Variants in C4orf54 observed in about 807,000 individuals in gnomAD.
C4orf54 encodes the protein chromosome 4 open reading frame 54.
A neutral mutation model predicts 80.1 loss-of-function variants in C4orf54; 67 were observed. The ratio of observed to expected loss-of-function variants is 0.84; its 90% CI spans 0.69 to 1.03. The LOEUF (loss-of-function observed/expected upper bound fraction) is 1.03. Ranked by LOEUF, C4orf54 falls within the 50% of genes least tolerant of loss-of-function variation. The probability of loss-of-function intolerance (pLI) is 0.00; values close to 1 mark genes in which losing one functional copy is unlikely to be tolerated. For missense variants in C4orf54, 2,434 were observed against 2,253.5 expected, an observed-to-expected ratio of 1.08 and a Z score of -1.62; for synonymous variants, 1,000 against 917.0, an observed-to-expected ratio of 1.09 and a Z score of -1.64.
chr4:99,657,495 C>A lies in C4orf54; in HGVS notation c.-32G>T, dbSNP rs937191163. 6.6e-6 allele frequency among the ~76,000 whole-genome samples: 1 copy of A among 152,200 alleles called. No homozygotes were observed. Among genetic ancestry groups the A allele is most frequent in the African/African-American group, 2.4e-5 (1 of 41,458 alleles). On this transcript the variant is annotated splice_region_variant and 5_prime_UTR_variant, in exon 1 of 3. It adds an upstream start codon to the 5' untranslated region. Coordinates refer to ENST00000511828, the MANE Select transcript of C4orf54 (RefSeq NM_001354435.2). ...GCATCATTCTGACAGTAGTACTTAC[C>A]TCCAAAGTATCTGTGTGGCTCCTTT...
rs554625247 is a variant in C4orf54 at position 99,653,914 on chromosome 4, G to T, written c.735C>A (p.Asn245Lys). Residue 245 changes from asparagine to lysine, a missense_variant, in exon 2 of 3, where the codon AAC (asparagine) becomes AAA (lysine). By Grantham distance (94) the Asn-to-Lys change is moderately conservative. Coordinates refer to ENST00000511828, the MANE Select transcript of C4orf54 (RefSeq NM_001354435.2). Reference sequence around the variant, plus strand: ...TAGAGAGTTGGGAGGAGGCAGGATTGTTCTGGGGGCTTGGAGTCTTGCTGC... The same window carrying T: ...TAGAGAGTTGGGAGGAGGCAGGATTTTTCTGGGGGCTTGGAGTCTTGCTGC... ...EPSSKTPSPQ[N>K]NPASSQLSRS... 134 of 1,536,294 alleles carry T rather than the reference G, an allele frequency of 8.7e-5. No homozygotes were observed. Among genetic ancestry groups the T allele is most frequent in the Non-Finnish European group, 1.1e-4 (126 of 1,146,906 alleles).
Position 99,637,748 on chromosome 4 carries a change from A to C in C4orf54, c.*3485T>G, listed in dbSNP as rs1030433806. The C allele has an allele frequency of 6.6e-6, 1 of 152,184 alleles. No homozygotes were observed. Among genetic ancestry groups the C allele is most frequent in the Non-Finnish European group, 1.5e-5 (1 of 68,024 alleles). The allele number at this position is 152,184 out of a possible 1,614,324, so 9.4% of individuals were successfully genotyped here. On this transcript the variant is annotated 3_prime_UTR_variant, in exon 3 of 3. Coordinates refer to ENST00000511828, the MANE Select transcript of C4orf54 (RefSeq NM_001354435.2). ...TTTTTCTTTCAAGTATTTGGGTGAA[A>C]TAGCATACCCTGAGAATTTGGGGTG...
At chr4:99,648,807 T>C (rs1446436921) in intron 2 of C4orf54, among the ~76,000 whole-genome samples, 3 of 151,986 alleles carry the variant, frequency 2.0e-5, no homozygotes, top group Non-Finnish European at 4.4e-5. Flanking sequence ...ATTGAAGGGG[T>C]TTCCAATGAC....
Position 99,652,140 on chromosome 4 carries a change from T to C in C4orf54, c.2509A>G (p.Thr837Ala), listed in dbSNP as rs1210420425. 1.2e-5 allele frequency: 19 copies of C among 1,535,964 alleles called. No homozygotes were observed. The highest frequency in any genetic ancestry group is 1.6e-5 in the Non-Finnish European group (18 of 1,146,874). ...FKMERGEVMD[T>A]SHHLSGTSKE... is the part of the protein sequence containing the mutation. ...GAGGTGCCTGAGAGGTGGTGGGATGTATCCATGACTTCTCCCCTCTCCATT... is the reference window on the plus strand; with the variant it reads ...GAGGTGCCTGAGAGGTGGTGGGATGCATCCATGACTTCTCCCCTCTCCATT... The change falls in exon 2 of 3, where the codon ACA becomes GCA. Residue 837 changes from threonine (T) to alanine (A), a missense_variant. Thr to Ala is a moderately conservative substitution (Grantham distance 58). Transcript: ENST00000511828.
chr4:99,652,069 C>G lies in C4orf54; in HGVS notation c.2580G>C (p.Arg860Ser), dbSNP rs1726849502. Residue 860 changes from arginine (R) to serine (S), a missense_variant, in exon 2 of 3, where the codon AGG becomes AGC. Coordinates refer to ENST00000511828, the MANE Select transcript of C4orf54 (RefSeq NM_001354435.2). Reference sequence around the variant, plus strand: ...GACGAGAGCTCTGCCTCTGCAGGCCCCTCTCTCGCTGCCTCTCGCTCCCGC... The same window carrying G: ...GACGAGAGCTCTGCCTCTGCAGGCCGCTCTCTCGCTGCCTCTCGCTCCCGC... ...GARGSERQRE[R>S]GLQRQSSRHS... The G allele has an allele frequency of 3.9e-6, 6 of 1,536,000 alleles. No individual in the cohort carries two copies. Among genetic ancestry groups the G allele is most frequent in the Admixed American group, 2.0e-5 (1 of 50,988 alleles).
Position 99,652,802 on chromosome 4 carries a change from A to C in C4orf54, c.1847T>G (p.Leu616Arg). The C allele has an allele frequency of 6.5e-7, 1 of 1,536,106 alleles. No individual in the cohort carries two copies. Among genetic ancestry groups the C allele is most frequent in the Non-Finnish European group, 8.7e-7 (1 of 1,146,910 alleles). The stretch of plus-strand genomic sequence containing the variant: ...ACGCACCTCTTTGTCCGCATCGTCC[A>C]GTTCGCTCACGGCACTGGAGGCTCC... ...SSGASSAVSE[L>R]DDADKEVRNL... The change falls in exon 2 of 3, where the codon CTG (leucine) becomes CGG (arginine). Residue 616 changes from leucine to arginine, a missense_variant. Coordinates refer to ENST00000511828, the MANE Select transcript of C4orf54 (RefSeq NM_001354435.2).
Position 99,653,882 on chromosome 4 carries a change from TG to T in C4orf54, c.766del (p.Gln256SerfsTer20). On this transcript the variant is annotated frameshift_variant, in exon 2 of 3. Coordinates refer to ENST00000511828, the MANE Select transcript of C4orf54 (RefSeq NM_001354435.2). LOFTEE classifies it high-confidence loss of function. ...GCCACCCTCTTCAGAGGCAGAGTGC[TG>T]GGATCTAGAGAGTTGGGAGGAGGCA... is the stretch of plus-strand genomic sequence containing the variant. ...NPASSQLSRS[Q>X]HSASEEGGNF... 1 of 1,536,316 alleles carries T rather than the reference TG, an allele frequency of 6.5e-7. No homozygotes were observed. The highest frequency in any genetic ancestry group is 8.7e-7 in the Non-Finnish European group (1 of 1,146,908).
chr4:99,638,230 G>T lies in C4orf54; in HGVS notation c.*3003C>A, dbSNP rs933655365. ...TCCCTGATAAATGGACATATAGAGA[G>T]CCTCTCTGCTATGTCATTACCTACA... On this transcript the variant is annotated 3_prime_UTR_variant, in exon 3 of 3. Coordinates refer to ENST00000511828, the MANE Select transcript of C4orf54 (RefSeq NM_001354435.2). 2 of 152,096 alleles carry T rather than the reference G, an allele frequency of 1.3e-5. No homozygotes were observed. Among genetic ancestry groups the T allele is most frequent in the African/African-American group, 4.8e-5 (2 of 41,422 alleles). 9.4% of individuals were successfully genotyped at this position (152,096 alleles called of 1,614,324 possible). A position where few individuals can be genotyped will look rare whatever the true frequency, so the allele number is the denominator to read the frequency against.
At chr4:99,648,040 CTCTTTTTTTT>C (rs1578270640) in intron 2 of C4orf54, among the ~76,000 whole-genome samples, 1 of 146,874 alleles carries the variant, frequency 6.8e-6, no homozygotes, top group African/African-American at 2.6e-5. Context: ...TTCTTTCCAT[CTCTTTTTTTT>C]TCTTTTTTTT....
rs1240075585 is a variant in C4orf54, at chr4:99,645,372, T to C, written c.*36+3859A>G. Among the ~76,000 whole-genome samples the C allele has an allele frequency of 8.9e-5, 6 of 67,612 alleles. No individual in the cohort carries two copies. In the East Asian group the frequency reaches 2.0e-3, roughly 22 times the overall value. The allele number at this position is 67,612 out of a possible 152,430, so 44.4% of individuals were successfully genotyped here. Reference sequence around the variant, plus strand: ...AAAGACCAACAATGCAGGAGCAACATGAAACACAGGGAGAAATGAAGAAAC... The same window carrying C: ...AAAGACCAACAATGCAGGAGCAACACGAAACACAGGGAGAAATGAAGAAAC... On this transcript the variant is annotated intron_variant, in intron 2 of 2. Coordinates refer to ENST00000511828, the MANE Select transcript of C4orf54 (RefSeq NM_001354435.2).
chr4:99,652,298 G>C lies in C4orf54; in HGVS notation c.2351C>G (p.Thr784Arg), dbSNP rs753999716. 1.3e-6 allele frequency: 2 copies of C among 1,535,922 alleles called. No homozygotes were observed. Among genetic ancestry groups the C allele is most frequent in the East Asian group, 2.4e-5 (1 of 40,896 alleles). The change falls in exon 2 of 3, where the codon ACG becomes AGG. Residue 784 changes from threonine (T) to arginine (R), a missense_variant. Physicochemically the swap from Thr to Arg is moderately conservative, Grantham distance 71. Transcript: ENST00000511828. ...CTCGGAGGTCTCGGAGCCGTCGTCC[G>C]TGTATGCCGACCCGGGACCCTTGCC... The part of the protein sequence containing the change: ...GPGKGPGSAY[T>R]DDGSETSEGS...
In C4orf54 at chr4:99,652,489, C is replaced by G. The variant is rs762535477; in HGVS notation, c.2160G>C (p.Val720=). ...KKSQTKALEF[V]VSKVEGEIKH... ...TGATTTCCCCCTCGACTTTGCTGAC[C>G]ACGAACTCCAAGGCCTTGGTCTGAG... Residue 720 remains valine (V), a synonymous_variant, in exon 2 of 3, where the codon GTG becomes GTC. Transcript: ENST00000511828. The G allele has an allele frequency of 6.5e-7, 1 of 1,535,790 alleles. No individual in the cohort carries two copies. Among genetic ancestry groups the G allele is most frequent in the South Asian group, 1.2e-5 (1 of 84,050 alleles).
chr4:99,650,462 T>G lies in C4orf54; in HGVS notation c.4187A>C (p.Asn1396Thr). The stretch of plus-strand genomic sequence containing the variant: ...GCTGCTGGCACTCACTGTGAACACG[T>G]TCCGGTTGCTGGGGAGTGGTGGGAG... Reference protein sequence around the residue: ...QPLPPLPSNRNVFTVSASSIQ... With the variant: ...QPLPPLPSNRTVFTVSASSIQ... Residue 1396 changes from asparagine (N) to threonine (T), a missense_variant, in exon 2 of 3, where the codon AAC becomes ACC. Asn to Thr is a moderately conservative substitution (Grantham distance 65). Transcript: ENST00000511828. 6.5e-7 allele frequency: 1 copy of G among 1,536,082 alleles called. No individual in the cohort carries two copies.
intron 2 of C4orf54, among the ~76,000 whole-genome samples, chr4:99,643,792 A>ACACCCCC (rs61130907): frequency 3.0e-4 from 30 of 98,874 alleles, no homozygotes; most frequent in Admixed American, 3.5e-4. Flanking sequence ...ACACACACAC[A>ACACCCCC]CCCCCTCCGC....
At position 99,650,370 on chromosome 4, in the gene C4orf54, C is replaced by T; in HGVS notation, c.4279G>A (p.Ala1427Thr). 6.5e-7 allele frequency: 1 copy of T among 1,536,090 alleles called. No homozygotes were observed. The highest frequency in any genetic ancestry group is 8.7e-7 in the Non-Finnish European group (1 of 1,146,892). The part of the protein sequence containing the change: ...QGPSPESPSA[A>T]KGIKSQGLRS... ...AGTCCCTGCGACTTGATGCCCTTAG[C>T]TGCTGAAGGACTCTCCGGAGAAGGC... is the stretch of plus-strand genomic sequence containing the variant. Residue 1427 changes from alanine (A) to threonine (T), a missense_variant, in exon 2 of 3, where the codon GCT becomes ACT. Transcript: ENST00000511828.
At position 99,653,859 on chromosome 4, in the gene C4orf54, C is replaced by A. The variant is rs1726914271; in HGVS notation, c.790G>T (p.Gly264Cys). The change falls in exon 2 of 3, where the codon GGC becomes TGC. Residue 264 changes from glycine (G) to cysteine (C), a missense_variant. Coordinates refer to ENST00000511828, the MANE Select transcript of C4orf54 (RefSeq NM_001354435.2). ...RSQHSASEEGGNFSSSSSSSP... is the reference protein window; with the variant it reads ...RSQHSASEEGCNFSSSSSSSP... Reference sequence around the variant, plus strand: ...GAGGATGAGGAAGATGAGAAATTGCCACCCTCTTCAGAGGCAGAGTGCTGG... The same window carrying A: ...GAGGATGAGGAAGATGAGAAATTGCAACCCTCTTCAGAGGCAGAGTGCTGG... 2 of 1,536,216 alleles carry A rather than the reference C, an allele frequency of 1.3e-6. No individual in the cohort carries two copies. Among genetic ancestry groups the A allele is most frequent in the Admixed American group, 3.9e-5 (2 of 51,000 alleles).
In C4orf54 at chr4:99,654,684, A is replaced by G. The variant is rs1400827616; in HGVS notation, c.-31-5T>C. On this transcript the variant is annotated splice_polypyrimidine_tract_variant and splice_region_variant and intron_variant, in intron 1 of 2. Coordinates refer to ENST00000511828, the MANE Select transcript of C4orf54 (RefSeq NM_001354435.2). ...TTGTGAAGCCTTGTCCCTTTCCTGG[A>G]TGGGGCGAGAGAAGGTCACGTCATT... The G allele has an allele frequency of 1.5e-6, 1 of 666,938 alleles. No homozygotes were observed. The allele number at this position is 666,938 out of a possible 1,614,324, so 41.3% of individuals were successfully genotyped here.
chr4:99,643,792 A>ACACACACAC (rs61130907), intron 2 of C4orf54, among the ~76,000 whole-genome samples: 20 of 98,900 alleles, frequency 2.0e-4, no homozygotes, highest in East Asian at 3.1e-4. Flanking sequence ...ACACACACAC[A>ACACACACAC]CCCCCTCCGC....
In C4orf54 at chr4:99,653,409, C is replaced by G. The variant is rs1019362645; in HGVS notation, c.1240G>C (p.Glu414Gln). 1.3e-6 allele frequency: 2 copies of G among 1,536,230 alleles called. No homozygotes were observed. The highest frequency in any genetic ancestry group is 1.7e-6 in the Non-Finnish European group (2 of 1,146,906). Residue 414 changes from glutamate to glutamine, a missense_variant, in exon 2 of 3, where the codon GAG becomes CAG. Physicochemically the swap from Glu to Gln is conservative, Grantham distance 29. Coordinates refer to ENST00000511828, the MANE Select transcript of C4orf54 (RefSeq NM_001354435.2). ...VDYASFGGSD[E>Q]TPGDITSLTE... ...AGACTGGTGATGTCCCCTGGGGTCT[C>G]GTCGCTGCCACCAAAGGAAGCATAA...
Sources: allele counts gnomAD v4.1 joint callset (sites outside exome capture counted in the v4.1 genomes callset), GRCh38; gene constraint gnomAD v4.1.1; transcripts MANE v1.5; gene names NCBI Gene and HGNC (gene_info 2026-07-23, HGNC 2026-07-21).